The following FGD3 variants were observed in gnomAD, a reference collection of about 807,000 sequenced individuals.
FGD3 encodes FYVE, RhoGEF and PH domain-containing protein 3.
Under a neutral mutation model 71.8 loss-of-function variants are expected in FGD3, and 45 were observed. That is an observed-to-expected ratio of 0.63 (90% CI 0.49 to 0.80). FGD3 has a LOEUF of 0.80. Ranked by LOEUF, FGD3 falls within the 30% of genes least tolerant of loss-of-function variation. The probability of loss-of-function intolerance (pLI) is 0.00; values close to 1 mark genes in which losing one functional copy is unlikely to be tolerated. For synonymous variants in FGD3, 378 were observed against 392.8 expected (o/e 0.96, Z 0.44); for missense variants, 844 against 951.5 (o/e 0.89, Z 1.49).
intron 3 of FGD3, among the ~76,000 whole-genome samples, chr9:92,986,312 G>A (rs868245768): frequency 6.6e-6 from 1 of 152,126 alleles, no homozygotes; most frequent in African/African-American, 2.4e-5. Flanking sequence ...CATCTCTCAT[G>A]TTCTTTAAGT....
chr9:93,027,715 CTTTTT>C (rs1199094054), intron 14 of FGD3, among the ~76,000 whole-genome samples: 4,821 of 101,900 alleles, frequency 0.047, 51 homozygotes, highest in African/African-American at 0.073. Flanking sequence ...TTCTTTCTTT[CTTTTT>C]TTTTTTTTTT....
At chr9:92,957,974 C>A (rs757893690) in intron 1 of FGD3, among the ~76,000 whole-genome samples, 3 of 150,656 alleles carry the variant, frequency 2.0e-5, no homozygotes, top group Non-Finnish European at 4.4e-5. Context: ...TGCACCCGGC[C>A]GCCTTTGAAA....
chr9:92,968,087 G>A (rs1281671319), intron 1 of FGD3, among the ~76,000 whole-genome samples: 1 of 152,164 alleles, frequency 6.6e-6, no homozygotes, highest in Non-Finnish European at 1.5e-5. Context: ...ATGGGAAACT[G>A]GTGTTGGTTT....
rs377453381 is a variant in FGD3, at chr9:93,032,789, C to G, written c.1701C>G (p.Ser567=). ...LCGAVICGKC[S]EFKAENSRQS... ...GGCAGGTCATCTGTGGGAAGTGCTC[C>G]GAGTTCAAGGCCGAGAACAGCCGGC... The change falls in exon 16 of 18, where the codon TCC becomes TCG. Residue 567 remains serine (S), a synonymous_variant. Coordinates refer to ENST00000375482, the MANE Select transcript of FGD3 (RefSeq NM_001083536.2). 6.2e-7 allele frequency: 1 copy of G among 1,614,222 alleles called. No homozygotes were observed. Among genetic ancestry groups the G allele is most frequent in the South Asian group, 1.1e-5 (1 of 91,086 alleles).
intron 5 of FGD3, among the ~76,000 whole-genome samples, chr9:93,005,692 TG>T (rs2118708488): frequency 6.6e-6 from 1 of 152,330 alleles, no homozygotes; most frequent in East Asian, 1.9e-4. Flanking sequence ...AGGAGCATAA[TG>T]GTATTTTGTT....
Position 92,975,223 on chromosome 9 carries a change from CTAA to C in FGD3, c.-217-13_-217-11del, listed in dbSNP as rs1347907840. On this transcript the variant is annotated splice_polypyrimidine_tract_variant and intron_variant, in intron 1 of 17. Coordinates refer to ENST00000375482, the MANE Select transcript of FGD3 (RefSeq NM_001083536.2). ...TGGAGAAGGTGGTTTTCTTTCTCTA[CTAA>C]TGTCTTTTCAGTACCTCCTAAATGG... The C allele has an allele frequency of 6.6e-6, 1 of 152,426 alleles. No individual in the cohort carries two copies. The highest frequency in any genetic ancestry group is 6.5e-5 in the Admixed American group (1 of 15,312). The allele number at this position is 152,426 out of a possible 1,614,324, so 9.4% of individuals were successfully genotyped here.
chr9:93,017,402 G>T (rs1376991750), intron 10 of FGD3, among the ~76,000 whole-genome samples: 1 of 152,200 alleles, frequency 6.6e-6, no homozygotes, highest in Non-Finnish European at 1.5e-5. Flanking sequence ...TTAAGCAAAT[G>T]ATTACATATT....
At chr9:93,034,934 C>T (rs746352628) in intron 17 of FGD3, among the ~76,000 whole-genome samples, 16 of 152,136 alleles carry the variant, frequency 1.1e-4, no homozygotes, top group Non-Finnish European at 2.1e-4. Flanking sequence ...CAAAGGGTGG[C>T]CAGGAGCCAC....
At chr9:92,989,239 C>T (rs575143931) in intron 3 of FGD3, among the ~76,000 whole-genome samples, 35 of 152,150 alleles carry the variant, frequency 2.3e-4, no homozygotes, top group South Asian at 1.5e-3. Context: ...TTAGTAGAGA[C>T]GGGGTTTCAC....
intron 15 of FGD3, 48 bp from the exon 16 acceptor site, chr9:93,032,721 A>C: frequency 6.3e-7 from 1 of 1,581,070 alleles, no homozygotes; most frequent in South Asian, 1.1e-5. Context: ...TTCCTGGATA[A>C]TCCTCTGTCC....
At chr9:93,028,351 A>G (rs1051578606) in intron 14 of FGD3, among the ~76,000 whole-genome samples, 8 of 146,996 alleles carry the variant, frequency 5.4e-5, no homozygotes, top group Non-Finnish European at 1.0e-4. Context: ...AAAAAAAAAA[A>G]AAAGAAAGAA....
chr9:93,031,227 G>T (rs530644253), intron 15 of FGD3, among the ~76,000 whole-genome samples: 2 of 152,284 alleles, frequency 1.3e-5, no homozygotes, highest in African/African-American at 4.8e-5. Flanking sequence ...AGAATTGGGG[G>T]ATTTAACTCA....
At chr9:92,959,070 C>T (rs971394895) in intron 1 of FGD3, among the ~76,000 whole-genome samples, 1 of 152,140 alleles carries the variant, frequency 6.6e-6, no homozygotes, top group Non-Finnish European at 1.5e-5. Context: ...AGCAATTCTC[C>T]TGCCTTAGCC....
chr9:92,992,916 G>A (rs77820873), intron 3 of FGD3, among the ~76,000 whole-genome samples: 4,395 of 152,314 alleles, frequency 0.029, 66 homozygotes, highest in Non-Finnish European at 0.041. Flanking sequence ...CCTGAAAAGG[G>A]AAGTCCCTCC....
intron 3 of FGD3, among the ~76,000 whole-genome samples, chr9:92,992,786 T>G (rs1860467771): frequency 6.6e-6 from 1 of 151,864 alleles, no homozygotes; most frequent in Non-Finnish European, 1.5e-5. Context: ...GGTTGGGGGG[T>G]GGGGTGTGTA....
chr9:93,024,194 A>G (rs1248520441), intron 14 of FGD3, among the ~76,000 whole-genome samples: 3 of 152,326 alleles, frequency 2.0e-5, no homozygotes, highest in Non-Finnish European at 1.5e-5. Flanking sequence ...TTTCTGGAGC[A>G]TTTAGGAAAG....
chr9:93,001,289 G>A (rs566329505), intron 3 of FGD3, among the ~76,000 whole-genome samples: 1 of 151,968 alleles, frequency 6.6e-6, no homozygotes, highest in African/African-American at 2.4e-5. Context: ...TCATAGATCT[G>A]TGTTTCCTTA....
Position 93,032,961 on chromosome 9 carries a change from T to C in FGD3, c.1785+88T>C, listed in dbSNP as rs142501756. 1,611 of 1,277,600 alleles carry C rather than the reference T, an allele frequency of 1.3e-3. 5 individuals carry two copies. Among genetic ancestry groups the C allele is most frequent in the Non-Finnish European group, 1.7e-3 (1,474 of 877,214 alleles). 79.1% of individuals were successfully genotyped at this position (1,277,600 alleles called of 1,614,324 possible). A position where few individuals can be genotyped will look rare whatever the true frequency, so the allele number is the denominator to read the frequency against. On this transcript the variant is annotated intron_variant, in intron 16 of 17. Transcript: ENST00000375482. ...CTGTGCCCCAGCAGCTCCAGCTGCC[T>C]CTGCTTTCGGAGTGTCCCTGGGACC...
In FGD3 at chr9:93,032,753, G is replaced by A; in HGVS notation, c.1681-16G>A. The A allele has an allele frequency of 6.2e-7, 1 of 1,613,440 alleles. No homozygotes were observed. Among genetic ancestry groups the A allele is most frequent in the Non-Finnish European group, 8.5e-7 (1 of 1,179,358 alleles). On this transcript the variant is annotated splice_polypyrimidine_tract_variant and intron_variant, in intron 15 of 17. Transcript: ENST00000375482. ...GTCCCAGGGTGCTGGGGTCACACGT[G>A]CCCTCTGTTTGGCAGGTCATCTGTG...
Sources: allele counts gnomAD v4.1 joint callset (sites outside exome capture counted in the v4.1 genomes callset), GRCh38; gene constraint gnomAD v4.1.1; transcripts MANE v1.5; gene names NCBI Gene and HGNC (gene_info 2026-07-23, HGNC 2026-07-21).